Variants in ANKRD28 observed in about 807,000 individuals in gnomAD.
The protein encoded by ANKRD28 is serine/threonine-protein phosphatase 6 regulatory ankyrin repeat subunit A.
Under a neutral mutation model 126.5 loss-of-function variants are expected in ANKRD28, and 44 were observed. The ratio of observed to expected loss-of-function variants is 0.35; its 90% CI spans 0.27 to 0.45. The LOEUF is 0.45. ANKRD28 is among the 20% of genes least tolerant of loss of function. The pLI is 1.00. For missense variants in ANKRD28, 1,110 were observed against 1,316.6 expected (o/e 0.84, Z 2.43); for synonymous variants, 442 against 468.5 (o/e 0.94, Z 0.73).
At position 15,690,141 on chromosome 3, in the gene ANKRD28, C is replaced by T; in HGVS notation, c.1841G>A (p.Arg614Lys). 6.2e-7 allele frequency: 1 copy of T among 1,609,502 alleles called. No individual in the cohort carries two copies. Among genetic ancestry groups the T allele is most frequent in the Non-Finnish European group, 8.5e-7 (1 of 1,177,758 alleles). ...AAAAGCTGCAAGATCTAGGGGTGTT[C>T]TTCCACTACTATTTCTGACATCAAG... ...LDLDVRNSSG[R>K]TPLDLAAFKG... is the part of the protein sequence containing the mutation. The change falls in exon 18 of 28, where the codon AGA becomes AAA. Residue 614 changes from arginine to lysine, a missense_variant. By Grantham distance (26) the Arg-to-Lys change is conservative (BLOSUM62 2). Transcript: ENST00000683139.
At chr3:15,707,110 T>C (rs530545693) in intron 14 of ANKRD28, among the ~76,000 whole-genome samples, 2 of 152,356 alleles carry the variant, frequency 1.3e-5, no homozygotes, top group East Asian at 3.9e-4. Flanking sequence ...AATTCTGTTA[T>C]ATGAAGTACA....
chr3:15,713,696 G>GT, intron 9 of ANKRD28, 55 bp from the exon 10 acceptor site: 1 of 1,138,550 alleles, frequency 8.8e-7, no homozygotes, highest in South Asian at 1.6e-5. Context: ...CAGGTCAAAC[G>GT]TACTACATGA....
In ANKRD28 at chr3:15,689,067, T is replaced by TA. The variant is rs200885704; in HGVS notation, c.1963+951dup. On this transcript the variant is annotated intron_variant, in intron 18 of 27. Transcript: ENST00000683139. Reference sequence around the variant, plus strand: ...AGGCAGATAATGTTTTAAGTGATGATAGTCTTGTTGTTGGTATTCCCTGAG... The same window carrying TA: ...AGGCAGATAATGTTTTAAGTGATGATAAGTCTTGTTGTTGGTATTCCCTGAG... Among the ~76,000 whole-genome samples, 971 of 152,354 alleles carry TA rather than the reference T, an allele frequency of 6.4e-3. 13 individuals carry two copies. The highest frequency in any genetic ancestry group is 0.022 in the African/African-American group (897 of 41,578).
At chr3:15,851,588 TAAAA>T (rs1357210994) in intron 1 of ANKRD28, among the ~76,000 whole-genome samples, 8 of 137,920 alleles carry the variant, frequency 5.8e-5, no homozygotes, top group African/African-American at 1.4e-4. Flanking sequence ...AATAAATAAA[TAAAA>T]GAGATACAAC....
intron 1 of ANKRD28, among the ~76,000 whole-genome samples, chr3:15,850,204 A>AAAAATATAT (rs1486394619): frequency 1.1e-4 from 6 of 54,830 alleles, no homozygotes; most frequent in East Asian, 3.6e-4. Flanking sequence ...AAAAAAAAAA[A>AAAAATATAT]ATATATATAT....
rs1269588036 is a variant in ANKRD28, at chr3:15,749,126, C to T, written c.351+2624G>A. On this transcript the variant is annotated intron_variant, in intron 4 of 27. Transcript: ENST00000683139. ...GTTTTTTTTTTTTTTTTTTTTGAGACGGAGTCTCGCTCTGTCGCCCAGGCC... is the reference window on the plus strand; with the variant it reads ...GTTTTTTTTTTTTTTTTTTTTGAGATGGAGTCTCGCTCTGTCGCCCAGGCC... 6.6e-5 allele frequency among the ~76,000 whole-genome samples: 6 copies of T among 91,440 alleles called. 1 individual carries two copies. The highest frequency in any genetic ancestry group is 1.1e-3 in the East Asian group (1 of 906). 60.0% of individuals were successfully genotyped at this position (91,440 alleles called of 152,430 possible).
chr3:15,789,716 T>C (rs2059940136), intron 2 of ANKRD28, among the ~76,000 whole-genome samples: 1 of 152,068 alleles, frequency 6.6e-6, no homozygotes, highest in Admixed American at 6.6e-5. Context: ...TATAAAACTC[T>C]AGTATTTGCT....
At chr3:15,677,640 G>A (rs901637170) in intron 24 of ANKRD28, 78 bp from the exon 25 acceptor site, 1 of 1,123,164 alleles carries the variant, frequency 8.9e-7, no homozygotes, top group Non-Finnish European at 1.3e-6. Flanking sequence ...GTAGAGAAAT[G>A]AAGATACAAA....
At chr3:15,726,604 CA>C (rs2074182514) in intron 6 of ANKRD28, among the ~76,000 whole-genome samples, 1 of 152,166 alleles carries the variant, frequency 6.6e-6, no homozygotes. Context: ...GTCCCTGTAA[CA>C]AAAGTGCAAT....
intron 14 of ANKRD28, among the ~76,000 whole-genome samples, chr3:15,696,497 T>C (rs2069582524): frequency 6.6e-6 from 1 of 152,146 alleles, no homozygotes; most frequent in Admixed American, 6.6e-5. Context: ...AGCTTTTTTT[T>C]TCATATGTGA....
chr3:15,843,355 T>C lies in ANKRD28; in HGVS notation c.27+16022A>G, dbSNP rs2061461479. ...AGACCCCAATCCCAACACTAAAGATTACATGTCAACATGAGATGTGGGCAA... is the reference window on the plus strand; with the variant it reads ...AGACCCCAATCCCAACACTAAAGATCACATGTCAACATGAGATGTGGGCAA... On this transcript the variant is annotated intron_variant, in intron 1 of 27. Coordinates refer to the ANKRD28 transcript ENST00000399451. The surrounding 1 kb of genome is among the most constrained non-coding windows in gnomAD (Gnocchi z 5.2). Among the ~76,000 whole-genome samples the C allele has an allele frequency of 6.6e-6, 1 of 152,108 alleles. No homozygotes were observed. The highest frequency in any genetic ancestry group is 1.5e-5 in the Non-Finnish European group (1 of 68,026).
upstream of ANKRD28, among the ~76,000 whole-genome samples, chr3:15,800,073 G>A (rs1012000964): frequency 3.9e-5 from 6 of 152,060 alleles, no homozygotes; most frequent in Non-Finnish European, 8.8e-5. Flanking sequence ...AAGGTATGGG[G>A]TGATGGTTAA....
At chr3:15,694,458 T>C (rs2069240708) in intron 17 of ANKRD28, among the ~76,000 whole-genome samples, 3 of 151,712 alleles carry the variant, frequency 2.0e-5, no homozygotes, top group Admixed American at 2.0e-4. Flanking sequence ...ATATTCTCCA[T>C]ATTTTCTCCC....
At chr3:15,731,982 T>C (rs1422842554) in intron 6 of ANKRD28, 1 of 151,742 alleles carries the variant, frequency 6.6e-6, no homozygotes, top group Non-Finnish European at 1.5e-5. Context: ...CAATATGGAT[T>C]CTCGGGCTTC....
chr3:15,818,665 A>G (rs1007361285), intron 1 of ANKRD28, among the ~76,000 whole-genome samples: 5 of 152,220 alleles, frequency 3.3e-5, no homozygotes, highest in Non-Finnish European at 7.3e-5. Flanking sequence ...AATGAAAGTG[A>G]GATGAATGTG....
At chr3:15,679,270 A>T (rs778305597) in intron 23 of ANKRD28, 31 bp downstream of exon 23, 1 of 1,599,280 alleles carries the variant, frequency 6.3e-7, no homozygotes, top group Admixed American at 1.7e-5. Flanking sequence ...GTGCCTGGCT[A>T]AAACTATTTA....
At chr3:15,742,531 C>T (rs1334189890) in intron 4 of ANKRD28, among the ~76,000 whole-genome samples, 1 of 138,644 alleles carries the variant, frequency 7.2e-6, no homozygotes, top group African/African-American at 2.7e-5. Context: ...TGAGGAGCCC[C>T]TCCGCCCGGC....
chr3:15,668,843 A>G lies in ANKRD28; in HGVS notation c.*1427T>C, dbSNP rs1424516886. 1 of 152,672 alleles carries G rather than the reference A, an allele frequency of 6.5e-6. No individual in the cohort carries two copies. Among genetic ancestry groups the G allele is most frequent in the Non-Finnish European group, 1.5e-5 (1 of 68,036 alleles). 9.5% of individuals were successfully genotyped at this position (152,672 alleles called of 1,614,324 possible). A position where few individuals can be genotyped will look rare whatever the true frequency, so the allele number is the denominator to read the frequency against. On this transcript the variant is annotated 3_prime_UTR_variant, in exon 28 of 28. Coordinates refer to ENST00000683139, the MANE Select transcript of ANKRD28 (RefSeq NM_001349278.2). The stretch of plus-strand genomic sequence containing the variant: ...AATGTCATAAAGTTTCCAGTTTCAC[A>G]ATACAAAAAGGATAAAATGAAATTG...
chr3:15,709,741 T>A lies in ANKRD28; in HGVS notation c.1338-5A>T. 1.3e-6 allele frequency: 2 copies of A among 1,551,198 alleles called. No individual in the cohort carries two copies. Among genetic ancestry groups the A allele is most frequent in the Non-Finnish European group, 1.7e-6 (2 of 1,146,182 alleles). ...AGGTTTAGGCACTCCAAATTCCTATTGAGAGAAAATACAGTTAGAAAACTT... is the reference window on the plus strand; with the variant it reads ...AGGTTTAGGCACTCCAAATTCCTATAGAGAGAAAATACAGTTAGAAAACTT... On this transcript the variant is annotated splice_region_variant and splice_polypyrimidine_tract_variant and intron_variant, in intron 12 of 27. Coordinates refer to ENST00000683139, the MANE Select transcript of ANKRD28 (RefSeq NM_001349278.2).
Sources: allele counts gnomAD v4.1 joint callset (sites outside exome capture counted in the v4.1 genomes callset), GRCh38; gene constraint gnomAD v4.1.1; non-coding constraint Gnocchi (gnomAD v3.1); transcripts MANE v1.5; gene names NCBI Gene and HGNC (gene_info 2026-07-23, HGNC 2026-07-21).